The following BRD10 variants were observed in gnomAD, a reference collection of about 807,000 sequenced individuals.
BRD10 encodes the protein bromodomain containing 10.
the BRD10 span, chr9:5,928,933 C>G: frequency 1.7e-6 from 1 of 575,868 alleles, no homozygotes; most frequent in East Asian, 3.0e-5. Flanking sequence ...TCAAAAATAT[C>G]TGCCGAATTA....
chr9:5,964,919 G>T, the BRD10 span, among the ~76,000 whole-genome samples: 2 of 121,718 alleles, frequency 1.6e-5, no homozygotes, highest in African/African-American at 6.1e-5. Flanking sequence ...GGTGGGGGGA[G>T]GGGGGAGGGA....
At chr9:5,898,632 T>C in the BRD10 span, among the ~76,000 whole-genome samples, 151 of 152,284 alleles carry the variant, frequency 9.9e-4, 2 homozygotes, top group South Asian at 0.016. Context: ...GGGAAGGGGT[T>C]TGAGGTTCCC....
At chr9:5,897,270 C>T in the BRD10 span, among the ~76,000 whole-genome samples, 1 of 152,176 alleles carries the variant, frequency 6.6e-6, no homozygotes, top group African/African-American at 2.4e-5. Context: ...CACATAAAGA[C>T]CAGTTACTAT....
At chr9:5,906,015 T>C in the BRD10 span, among the ~76,000 whole-genome samples, 2 of 152,312 alleles carry the variant, frequency 1.3e-5, no homozygotes, top group South Asian at 4.1e-4. Context: ...TTGTTGCTAT[T>C]ATTCATTTTT....
the BRD10 span, among the ~76,000 whole-genome samples, chr9:5,962,889 G>A: frequency 9.3e-6 from 1 of 107,956 alleles, no homozygotes; most frequent in Admixed American, 1.0e-4. Context: ...CAAGAAATTA[G>A]GTATTGATGG....
chr9:5,905,040 T>C, the BRD10 span, among the ~76,000 whole-genome samples: 3 of 152,224 alleles, frequency 2.0e-5, no homozygotes, highest in Non-Finnish European at 4.4e-5. Flanking sequence ...CCCAAAGTGC[T>C]GCGATTACAG....
the BRD10 span, among the ~76,000 whole-genome samples, chr9:5,926,946 A>T: frequency 6.6e-6 from 1 of 152,216 alleles, no homozygotes; most frequent in Non-Finnish European, 1.5e-5. Flanking sequence ...AACAAATGTT[A>T]GTTAATAATT....
chr9:6,004,247 T>G, the BRD10 span, among the ~76,000 whole-genome samples: 1 of 152,240 alleles, frequency 6.6e-6, no homozygotes, highest in Admixed American at 6.5e-5. Flanking sequence ...TGTTCATATA[T>G]CCATTACAGA....
the BRD10 span, among the ~76,000 whole-genome samples, chr9:5,988,729 CAG>C: frequency 1.3e-5 from 2 of 151,792 alleles, no homozygotes; most frequent in Admixed American, 6.6e-5. Context: ...GTCATAAAAT[CAG>C]AGTGACAGTC....
chr9:5,922,365 C>T, the BRD10 span: 1 of 1,613,966 alleles, frequency 6.2e-7, no homozygotes, highest in South Asian at 1.1e-5. Context: ...GCATTCTTGG[C>T]TTTTCCTGCC....
At chr9:5,997,901 T>C in the BRD10 span, among the ~76,000 whole-genome samples, 1 of 152,110 alleles carries the variant, frequency 6.6e-6, no homozygotes. Context: ...ACACAATACA[T>C]AATAAATAAG....
At chr9:5,897,747 C>T in the BRD10 span, 1 of 1,081,302 alleles carries the variant, frequency 9.2e-7, no homozygotes, top group South Asian at 1.3e-5. Flanking sequence ...ATAATTGCCT[C>T]ATTATAACCT....
chr9:5,928,287 C>T, the BRD10 span, among the ~76,000 whole-genome samples: 1 of 152,294 alleles, frequency 6.6e-6, no homozygotes, highest in Non-Finnish European at 1.5e-5. Context: ...TACCATTTTT[C>T]TCCTGGATTA....
the BRD10 span, among the ~76,000 whole-genome samples, chr9:5,879,868 TAA>T: frequency 1.3e-5 from 2 of 152,202 alleles, no homozygotes; most frequent in Non-Finnish European, 2.9e-5. Flanking sequence ...TGTCAGATAA[TAA>T]GTCAGTTCTA....
chr9:5,968,161 C>A, the BRD10 span: 34 of 1,599,686 alleles, frequency 2.1e-5, no homozygotes, highest in Non-Finnish European at 2.9e-5. Flanking sequence ...CTTTCAATTT[C>A]TTTTTTTTCT....
At chr9:6,007,432 G>A in the BRD10 span, 2 of 1,606,652 alleles carry the variant, frequency 1.2e-6, no homozygotes, top group Non-Finnish European at 1.7e-6. Context: ...CCCGCTGCGC[G>A]GCCCTTCCGC....
chr9:5,996,273 C>G, the BRD10 span, among the ~76,000 whole-genome samples: 1 of 151,526 alleles, frequency 6.6e-6, no homozygotes, highest in Non-Finnish European at 1.5e-5. Flanking sequence ...AATGACATAA[C>G]GCCCCAAAGA....
chr9:5,878,851 T>A, the BRD10 span, among the ~76,000 whole-genome samples: 1,136 of 152,376 alleles, frequency 7.5e-3, 12 homozygotes, highest in African/African-American at 0.026. Flanking sequence ...TGAAGAAACC[T>A]GTTTAACTTT....
the BRD10 span, among the ~76,000 whole-genome samples, chr9:5,927,194 A>T: frequency 6.6e-6 from 1 of 152,140 alleles, no homozygotes; most frequent in Admixed American, 6.5e-5. Flanking sequence ...TTCAAGAAAA[A>T]TGGAGGCAAT....
Sources: gnomAD v4.1 joint callset for allele counts (sites outside exome capture counted in the v4.1 genomes callset) on GRCh38, gnomAD v4.1.1 for gene constraint, MANE v1.5 for transcripts, NCBI Gene and HGNC (gene_info 2026-07-23, HGNC 2026-07-21) for gene names.